The following MLX variants were observed in gnomAD, a reference collection of about 807,000 sequenced individuals.
MLX encodes max-like protein X.
Under a neutral mutation model 33.0 loss-of-function variants are expected in MLX, and 15 were observed. The observed-to-expected ratio is 0.45, with a 90% CI of 0.30 to 0.70. The LOEUF is 0.70. MLX is among the 30% of genes least tolerant of loss of function. The probability of loss-of-function intolerance (pLI) is 0.07; values close to 1 mark genes in which losing one functional copy is unlikely to be tolerated. For missense variants in MLX, 285 were observed against 306.3 expected (o/e 0.93, Z 0.52); for synonymous variants, 115 against 115.6 (o/e 0.99, Z 0.03).
In MLX at chr17:42,571,633, A is replaced by ATCTTGTTGGCTGTT. The variant is rs575488851; in HGVS notation, c.*30_*31insTCTTGTTGGCTGTT. ...TTCTTGGAAACCTGGAGAACAGCCA[A>ATCTTGTTGGCTGTT]CAAGAGGCCCTTGAATCTCTACGTG... On this transcript the variant is annotated 3_prime_UTR_variant, in exon 8 of 8. Coordinates refer to ENST00000435881, the MANE Select transcript of MLX (RefSeq NM_198204.2). The ATCTTGTTGGCTGTT allele has an allele frequency of 4.4e-4, 707 of 1,593,580 alleles. 1 individual carries two copies. The highest frequency in any genetic ancestry group is 8.6e-4 in the Middle Eastern group (5 of 5,840).
rs1406633523 is a variant in MLX, at chr17:42,571,626, A to G, written c.*23A>G. ...TGACCGGTTCTTGGAAACCTGGAGA[A>G]CAGCCAACAAGAGGCCCTTGAATCT... On this transcript the variant is annotated 3_prime_UTR_variant, in exon 8 of 8. Coordinates refer to ENST00000435881, the MANE Select transcript of MLX (RefSeq NM_198204.2). 1.2e-6 allele frequency: 2 copies of G among 1,605,082 alleles called. No homozygotes were observed. Among genetic ancestry groups the G allele is most frequent in the African/African-American group, 2.7e-5 (2 of 74,810 alleles).
chr17:42,572,172 T>C lies in MLX; in HGVS notation c.*569T>C, dbSNP rs778396266. 6.3e-5 allele frequency: 22 copies of C among 348,884 alleles called. No individual in the cohort carries two copies. Among genetic ancestry groups the C allele is most frequent in the Non-Finnish European group, 1.0e-4 (18 of 179,176 alleles). 21.6% of individuals were successfully genotyped at this position (348,884 alleles called of 1,614,324 possible). A position where few individuals can be genotyped will look rare whatever the true frequency, so the allele number is the denominator to read the frequency against. On this transcript the variant is annotated 3_prime_UTR_variant, in exon 8 of 8. Coordinates refer to ENST00000435881, the MANE Select transcript of MLX (RefSeq NM_198204.2). The stretch of plus-strand genomic sequence containing the variant: ...GGTGAGGCCAAGGGCTTTCTGGCCA[T>C]CTCAGGGAGGGGCCACCAGGTTCCT...
rs1389738931 is a variant in MLX, at chr17:42,571,692, AC to A, written c.*90del. On this transcript the variant is annotated 3_prime_UTR_variant, in exon 8 of 8. Coordinates refer to ENST00000435881, the MANE Select transcript of MLX (RefSeq NM_198204.2). ...ACTGCTGGGCCCGGGAGACTGGACTACAACACCTCACACTGGTCAGCTGGTT... is the reference window on the plus strand; with the variant it reads ...ACTGCTGGGCCCGGGAGACTGGACTAAACACCTCACACTGGTCAGCTGGTT... 2 of 1,188,430 alleles carry A rather than the reference AC, an allele frequency of 1.7e-6. No individual in the cohort carries two copies. Among genetic ancestry groups the A allele is most frequent in the Non-Finnish European group, 2.5e-6 (2 of 792,016 alleles). 73.6% of individuals were successfully genotyped at this position (1,188,430 alleles called of 1,614,324 possible). A position where few individuals can be genotyped will look rare whatever the true frequency, so the allele number is the denominator to read the frequency against.
At chr17:42,570,560 G>C (rs984896721) in intron 7 of MLX, among the ~76,000 whole-genome samples, 4 of 152,214 alleles carry the variant, frequency 2.6e-5, no homozygotes, top group Non-Finnish European at 5.9e-5. Flanking sequence ...ATTTATAATG[G>C]AGATGTGCTA....
At position 42,572,958 on chromosome 17, in the gene MLX, C is replaced by A; in HGVS notation, c.*1355C>A. Reference sequence around the variant, plus strand: ...TCCTGCAGTCCCCACCAGTCCTGACCGTGGGCCCCTCAGGGGTCTGGGAGT... The same window carrying A: ...TCCTGCAGTCCCCACCAGTCCTGACAGTGGGCCCCTCAGGGGTCTGGGAGT... On this transcript the variant is annotated 3_prime_UTR_variant, in exon 8 of 8. Coordinates refer to ENST00000435881, the MANE Select transcript of MLX (RefSeq NM_198204.2). The A allele has an allele frequency of 6.2e-7, 1 of 1,613,912 alleles. No individual in the cohort carries two copies.
intron 7 of MLX, among the ~76,000 whole-genome samples, chr17:42,570,714 G>A (rs2093027616): frequency 6.6e-6 from 1 of 152,038 alleles, no homozygotes; most frequent in Non-Finnish European, 1.5e-5. Context: ...GGAGTGCAGT[G>A]GCACAATCTC....
chr17:42,567,453 G>A lies in MLX; in HGVS notation c.43-166G>A, dbSNP rs2093012722. The A allele has an allele frequency of 1.5e-5, 21 of 1,392,262 alleles. No individual in the cohort carries two copies. In the South Asian group the frequency reaches 2.7e-4, roughly 18 times the overall value. 86.2% of individuals were successfully genotyped at this position (1,392,262 alleles called of 1,614,324 possible). ...GCCCTAGCCTGTGCCAGTCTCGGGG[G>A]ACTCATTAAGCTGCCCGCGCACCCC... On this transcript the variant is annotated intron_variant, in intron 1 of 7. Transcript: ENST00000435881.
At chr17:42,571,476 G>C (rs554216330) in intron 7 of MLX, 71 bp from the exon 8 acceptor site, 3 of 1,511,456 alleles carry the variant, frequency 2.0e-6, no homozygotes. Context: ...GGCTGATCTA[G>C]GCAGGCATCT....
At chr17:42,567,492 G>A in intron 1 of MLX, 127 bp from the exon 2 acceptor site, 2 of 1,516,820 alleles carry the variant, frequency 1.3e-6, no homozygotes, top group Non-Finnish European at 1.8e-6. Context: ...CTGTGTGTGT[G>A]CAAGCGCGCA....
At chr17:42,568,353 A>C (rs1211710681) in intron 2 of MLX, 117 bp from the exon 3 acceptor site, 1 of 671,688 alleles carries the variant, frequency 1.5e-6, no homozygotes, top group South Asian at 1.8e-5. Flanking sequence ...ACTGAGCGAG[A>C]CTCTGTCTAA....
At chr17:42,567,717 T>C in intron 2 of MLX, 62 bp downstream of exon 2, 2 of 1,610,782 alleles carry the variant, frequency 1.2e-6, no homozygotes. Context: ...TCTAGATTCT[T>C]GTGGCGTTGC....
chr17:42,570,223 T>G, intron 7 of MLX, 40 bp downstream of exon 7: 163 of 1,592,538 alleles, frequency 1.0e-4, no homozygotes, highest in Non-Finnish European at 1.3e-4. Flanking sequence ...CGGTTTTCTC[T>G]ACCATCAAGC....
In MLX at chr17:42,571,875, C is replaced by G; in HGVS notation, c.*272C>G. The G allele has an allele frequency of 2.1e-6, 1 of 480,530 alleles. No individual in the cohort carries two copies. The highest frequency in any genetic ancestry group is 2.0e-5 in the African/African-American group (1 of 51,212). The allele number at this position is 480,530 out of a possible 1,614,324, so 29.8% of individuals were successfully genotyped here. A position where few individuals can be genotyped will look rare whatever the true frequency, so the allele number is the denominator to read the frequency against. On this transcript the variant is annotated 3_prime_UTR_variant, in exon 8 of 8. Coordinates refer to ENST00000435881, the MANE Select transcript of MLX (RefSeq NM_198204.2). ...CCATGGAAGTCCTTGGGATGGGCGT[C>G]TGCTCTGGACACCCCAAAGAGCTCC...
intron 6 of MLX, 39 bp from the exon 7 acceptor site, chr17:42,569,943 G>C: frequency 6.3e-7 from 1 of 1,589,958 alleles, no homozygotes; most frequent in South Asian, 1.1e-5. Context: ...GGTGGGCGGA[G>C]CTGCTGCAGC....
rs143736694 is a variant in MLX, at chr17:42,570,062, A to T, written c.557A>T (p.Asn186Ile). 1.2e-6 allele frequency: 2 copies of T among 1,614,172 alleles called. No individual in the cohort carries two copies. Among genetic ancestry groups the T allele is most frequent in the South Asian group, 1.1e-5 (1 of 91,080 alleles). Residue 186 changes from asparagine (N) to isoleucine (I), a missense_variant, in exon 7 of 8, where the codon AAC becomes ATC. Transcript: ENST00000435881. ...EDQVSDQVKF[N>I]VFQGIMDSLF... ...CAGGTCTCTGACCAGGTCAAGTTCAACGTGTTTCAAGGCATCATGGATTCC... is the reference window on the plus strand; with the variant it reads ...CAGGTCTCTGACCAGGTCAAGTTCATCGTGTTTCAAGGCATCATGGATTCC...
At position 42,569,320 on chromosome 17, in the gene MLX, C is replaced by T; in HGVS notation, c.376+17C>T. 1 of 1,609,850 alleles carries T rather than the reference C, an allele frequency of 6.2e-7. No individual in the cohort carries two copies. Among genetic ancestry groups the T allele is most frequent in the Non-Finnish European group, 8.5e-7 (1 of 1,176,204 alleles). ...TACAAAAGAGTATGGCTAGGGAAAG[C>T]ACTGGAGGGGATGGAGCCAAGCGGG... On this transcript the variant is annotated intron_variant, in intron 5 of 7. Coordinates refer to ENST00000435881, the MANE Select transcript of MLX (RefSeq NM_198204.2).
At chr17:42,571,054 G>A (rs1002960805) in intron 7 of MLX, among the ~76,000 whole-genome samples, 1 of 151,778 alleles carries the variant, frequency 6.6e-6, no homozygotes, top group African/African-American at 2.4e-5. Flanking sequence ...AAATTTTACC[G>A]AAACATTTTA....
Position 42,572,900 on chromosome 17 carries a change from G to A in MLX, c.*1297G>A, listed in dbSNP as rs559298810. The A allele has an allele frequency of 6.4e-7, 1 of 1,567,578 alleles. No homozygotes were observed. The highest frequency in any genetic ancestry group is 1.7e-5 in the Admixed American group (1 of 59,952). ...ACAACAAAAGCCAACCAAAAACAAGGTAGCCAGTGCAAGACATCTCACTCT... is the reference window on the plus strand; with the variant it reads ...ACAACAAAAGCCAACCAAAAACAAGATAGCCAGTGCAAGACATCTCACTCT... On this transcript the variant is annotated 3_prime_UTR_variant, in exon 8 of 8. Transcript: ENST00000435881.
Position 42,567,603 on chromosome 17 carries a change from G to A in MLX, c.43-16G>A. 2 of 1,614,038 alleles carry A rather than the reference G, an allele frequency of 1.2e-6. No individual in the cohort carries two copies. Among genetic ancestry groups the A allele is most frequent in the South Asian group, 1.1e-5 (1 of 91,084 alleles). On this transcript the variant is annotated splice_polypyrimidine_tract_variant and intron_variant, in intron 1 of 7. Transcript: ENST00000435881. ...GGCGGAGGTCTGACGGGCCCTTCCC[G>A]TGCTCTGTGCCGCAGGTGGAGTATG...
Sources: allele counts gnomAD v4.1 joint callset (sites outside exome capture counted in the v4.1 genomes callset), GRCh38; gene constraint gnomAD v4.1.1; transcripts MANE v1.5; gene names NCBI Gene and HGNC (gene_info 2026-07-23, HGNC 2026-07-21).